Variants in SPEF2 observed in about 807,000 individuals in gnomAD.
SPEF2 encodes the protein sperm flagella and cilia-associated protein 2.
Under a neutral mutation model 224.6 loss-of-function variants are expected in SPEF2, and 187 were observed. The observed-to-expected ratio is 0.83, with a 90% confidence interval of 0.74 to 0.94. The LOEUF (loss-of-function observed/expected upper bound fraction) is 0.94. Ranked by LOEUF, SPEF2 falls within the 40% of genes least tolerant of loss-of-function variation. The probability of loss-of-function intolerance (pLI) is 0.00; values close to 1 mark genes in which losing one functional copy is unlikely to be tolerated. For missense variants in SPEF2, 2,170 were observed against 2,135.6 expected (o/e 1.02, Z -0.32); for synonymous variants, 715 against 707.3 (o/e 1.01, Z -0.17).
intron 2 of SPEF2, among the ~76,000 whole-genome samples, chr5:35,633,840 A>G (rs1189310220): frequency 6.6e-6 from 1 of 152,010 alleles, no homozygotes; most frequent in Non-Finnish European, 1.5e-5. Context: ...GATTACAATT[A>G]ATATTTTAAT....
At chr5:35,653,637 C>T (rs1353840874) in intron 6 of SPEF2, among the ~76,000 whole-genome samples, 4 of 151,904 alleles carry the variant, frequency 2.6e-5, no homozygotes, top group South Asian at 2.1e-4. Context: ...CCAGAATTTC[C>T]GGTTAGAATG....
chr5:35,664,384 A>AGAAG (rs1173383334), intron 8 of SPEF2, among the ~76,000 whole-genome samples: 1 of 151,214 alleles, frequency 6.6e-6, no homozygotes, highest in Non-Finnish European at 1.5e-5. Flanking sequence ...AAGGAAGGAA[A>AGAAG]GAAGGAAGGA....
chr5:35,776,015 A>T (rs2149792615), intron 28 of SPEF2, among the ~76,000 whole-genome samples: 1 of 152,350 alleles, frequency 6.6e-6, no homozygotes, highest in East Asian at 1.9e-4. Context: ...GTAGATTGCT[A>T]CAAAGTGCAA....
chr5:35,663,461 A>G (rs916152531), intron 8 of SPEF2, among the ~76,000 whole-genome samples: 9 of 152,176 alleles, frequency 5.9e-5, no homozygotes, highest in African/African-American at 2.2e-4. Context: ...TGGCATCATT[A>G]TTTATCAAAT....
At chr5:35,686,388 G>A (rs1213550620) in intron 10 of SPEF2, among the ~76,000 whole-genome samples, 1 of 151,986 alleles carries the variant, frequency 6.6e-6, no homozygotes, top group Non-Finnish European at 1.5e-5. Context: ...TCTAGGTAAT[G>A]AAATTATTAC....
intron 3 of SPEF2, chr5:35,643,676 G>A (rs768061301): frequency 5.1e-6 from 2 of 392,510 alleles, no homozygotes; most frequent in Non-Finnish European, 5.1e-6. Context: ...CATCTTCTTT[G>A]ATACTGGATG....
At chr5:35,664,626 G>A (rs970489214) in intron 8 of SPEF2, among the ~76,000 whole-genome samples, 5 of 151,852 alleles carry the variant, frequency 3.3e-5, no homozygotes, top group Admixed American at 2.0e-4. Context: ...GTTGTAGTGA[G>A]CCGAGATAAC....
chr5:35,788,042 C>T, intron 30 of SPEF2: 2 of 702,878 alleles, frequency 2.8e-6, no homozygotes, highest in Admixed American at 2.0e-5. Context: ...GTGTCGTAAG[C>T]ATGGAGTGAA....
chr5:35,637,754 G>T (rs1299682775), intron 2 of SPEF2, among the ~76,000 whole-genome samples: 1 of 152,042 alleles, frequency 6.6e-6, no homozygotes, highest in Non-Finnish European at 1.5e-5. Flanking sequence ...AGCCCCAGCT[G>T]CCCCCTCTTC....
At position 35,727,675 on chromosome 5, in the gene SPEF2, G is replaced by A. The variant is rs1744897000; in HGVS notation, c.2915G>A (p.Gly972Asp). 6.2e-7 allele frequency: 1 copy of A among 1,612,280 alleles called. No individual in the cohort carries two copies. The highest frequency in any genetic ancestry group is 1.3e-5 in the African/African-American group (1 of 74,820). ...KKGETALKRKGSPKGKSSGGK... is the reference protein window; with the variant it reads ...KKGETALKRKDSPKGKSSGGK... ...GAATAATTTGATATGCATGTTTAAG[G>A]TTCTCCTAAAGGAAAATCATCAGGA... The change falls in exon 21 of 37, where the codon GGT (glycine) becomes GAT (aspartate). Residue 972 changes from glycine (G) to aspartate (D), a missense_variant and splice_region_variant. Physicochemically the swap from Gly to Asp is moderately conservative, Grantham distance 94. Transcript: ENST00000356031.
intron 10 of SPEF2, among the ~76,000 whole-genome samples, chr5:35,685,397 G>A (rs1054302010): frequency 6.6e-6 from 1 of 152,098 alleles, no homozygotes; most frequent in African/African-American, 2.4e-5. Context: ...TATATTCTGA[G>A]TAAGTGTGTT....
chr5:35,671,620 C>T, intron 10 of SPEF2: 3 of 679,090 alleles, frequency 4.4e-6, no homozygotes, highest in South Asian at 6.6e-5. Context: ...ACTTGCTAAA[C>T]AGCTCAATCT....
Position 35,705,690 on chromosome 5 carries a change from A to C in SPEF2, c.2547A>C (p.Gln849His). 6.3e-7 allele frequency: 1 copy of C among 1,593,402 alleles called. No homozygotes were observed. Among genetic ancestry groups the C allele is most frequent in the Non-Finnish European group, 8.5e-7 (1 of 1,173,990 alleles). The part of the protein sequence containing the change: ...GFLDNWPLLE[Q>H]WFSEPENILI... ...TGGACAACTGGCCTTTATTGGAGCA[A>C]TGGTTTTCAGAGCCAGAAAATATTT... The change falls in exon 18 of 37, where the codon CAA (glutamine) becomes CAC (histidine). Residue 849 changes from glutamine to histidine, a missense_variant. Coordinates refer to ENST00000356031, the MANE Select transcript of SPEF2 (RefSeq NM_024867.4).
chr5:35,654,156 A>T (rs1385673122), intron 6 of SPEF2, among the ~76,000 whole-genome samples: 2 of 151,578 alleles, frequency 1.3e-5, no homozygotes, highest in Non-Finnish European at 2.9e-5. Flanking sequence ...GCTACTCAGG[A>T]GGCTGAGGCA....
chr5:35,697,623 C>A, intron 14 of SPEF2, 67 bp from the exon 15 acceptor site: 1 of 1,290,462 alleles, frequency 7.7e-7, no homozygotes, highest in Non-Finnish European at 1.1e-6. Flanking sequence ...ATTAACTTTT[C>A]CTCCAAATGT....
Position 35,661,254 on chromosome 5 carries a change from TTA to T in SPEF2, c.1167+2091_1167+2092del, listed in dbSNP as rs550178866. Among the ~76,000 whole-genome samples the T allele has an allele frequency of 9.8e-3, 920 of 93,558 alleles. 4 individuals are homozygous for T. The highest frequency in any genetic ancestry group is 0.031 in the Middle Eastern group (4 of 130). 61.4% of individuals were successfully genotyped at this position (93,558 alleles called of 152,430 possible). The stretch of plus-strand genomic sequence containing the variant: ...AAGGAGGTTTTTTTTTTGGTATATA[TTA>T]TATATATATATATATATATATATAT... On this transcript the variant is annotated intron_variant, in intron 8 of 36. Coordinates refer to ENST00000356031, the MANE Select transcript of SPEF2 (RefSeq NM_024867.4).
chr5:35,729,470 C>T (rs139688844), intron 21 of SPEF2, among the ~76,000 whole-genome samples: 5 of 152,170 alleles, frequency 3.3e-5, no homozygotes, highest in Admixed American at 1.3e-4. Context: ...GAAGTACTTA[C>T]GTACATTAGC....
rs117804083 is a variant in SPEF2 at position 35,689,478 on chromosome 5, A to G, written c.1525-1559A>G. On this transcript the variant is annotated intron_variant, in intron 10 of 36. Coordinates refer to ENST00000356031, the MANE Select transcript of SPEF2 (RefSeq NM_024867.4). ...CCAGCTAGTGAGCAAAGTTCCCAAT[A>G]GGTAGCTTTTTAGCCCTTGCACTCT... Among the ~76,000 whole-genome samples, 94 of 152,266 alleles carry G rather than the reference A, an allele frequency of 6.2e-4. 1 individual carries two copies. The East Asian group carries it at 0.016, about 25-fold the overall frequency.
At chr5:35,776,906 A>T (rs1239969466) in intron 29 of SPEF2, among the ~76,000 whole-genome samples, 1 of 152,142 alleles carries the variant, frequency 6.6e-6, no homozygotes, top group Non-Finnish European at 1.5e-5. Flanking sequence ...ACTGAGGGGC[A>T]ATGACTCTCA....
Sources: allele counts gnomAD v4.1 joint callset (sites outside exome capture counted in the v4.1 genomes callset), GRCh38; gene constraint gnomAD v4.1.1; transcripts MANE v1.5; gene names NCBI Gene and HGNC (gene_info 2026-07-23, HGNC 2026-07-21).